Variants in CARM1 observed in about 807,000 individuals in gnomAD.
CARM1 encodes coactivator associated arginine methyltransferase 1.
A neutral mutation model predicts 72.7 loss-of-function variants in CARM1; 14 were observed. The ratio of observed to expected loss-of-function variants is 0.19; its 90% confidence interval spans 0.13 to 0.30. The LOEUF (loss-of-function observed/expected upper bound fraction) is 0.30. Among genes scored for constraint, CARM1 ranks in the 10% least tolerant of loss-of-function variants. The pLI, the probability that CARM1 is intolerant of heterozygous loss-of-function variation, is 1.00. For synonymous variants in CARM1, 333 were observed against 345.5 expected, an observed-to-expected ratio of 0.96 and a Z score of 0.40; for missense variants, 432 against 833.7, an observed-to-expected ratio of 0.52 and a Z score of 5.93.
chr19:10,873,228 C>T (rs559267217), intron 1 of CARM1, among the ~76,000 whole-genome samples: 2 of 152,202 alleles, frequency 1.3e-5, no homozygotes, highest in African/African-American at 4.8e-5. Context: ...AGCGGGGCAG[C>T]GTTTCCAAAA....
chr19:10,888,444 G>A (rs888397047), intron 1 of CARM1, among the ~76,000 whole-genome samples: 1 of 152,146 alleles, frequency 6.6e-6, no homozygotes, highest in East Asian at 1.9e-4. Context: ...GACTAAGGTC[G>A]ACCTGGAGGG....
Position 10,921,171 on chromosome 19 carries a change from G to A in CARM1, c.1615+44G>A, listed in dbSNP as rs114604292. Reference sequence around the variant, plus strand: ...CAGGGGCAGCAGGGAGCCATGCCCAGGACTGCCCAGGGGCCGGGAAGGGCC... The same window carrying A: ...CAGGGGCAGCAGGGAGCCATGCCCAAGACTGCCCAGGGGCCGGGAAGGGCC... On this transcript the variant is annotated intron_variant, in intron 14 of 15. Transcript: ENST00000327064. 2,434 of 1,580,530 alleles carry A rather than the reference G, an allele frequency of 1.5e-3. 39 individuals carry two copies. In the African/African-American group the frequency reaches 0.03, roughly 19 times the overall value.
rs764313465 is a variant in CARM1, at chr19:10,914,029, C to T, written c.822C>T (p.His274=). 3.1e-5 allele frequency: 50 copies of T among 1,613,138 alleles called. No individual in the cohort carries two copies. The South Asian group carries it at 3.7e-4, about 12-fold the overall frequency. ...AGCGCATGCTGGAGAGCTACCTCCACGCCAAGAAGTACCTGAAGCCCAGCG... is the reference window on the plus strand; with the variant it reads ...AGCGCATGCTGGAGAGCTACCTCCATGCCAAGAAGTACCTGAAGCCCAGCG... The part of the protein sequence containing the change: ...FNERMLESYL[H]AKKYLKPSGN... Residue 274 remains histidine, a synonymous_variant, in exon 6 of 16, where the codon CAC becomes CAT. Coordinates refer to ENST00000327064, the MANE Select transcript of CARM1 (RefSeq NM_199141.2).
Position 10,920,448 on chromosome 19 carries a change from G to A in CARM1, c.1209G>A (p.Trp403Ter). ...VAFIGSIMTVWLSTAPTEPLT... is the reference protein window; with the variant it reads ...VAFIGSIMTV ...CCCTGCTCCACAGAATGACCGTGTG[G>A]CTGTCCACAGCCCCGACAGAGCCCC... The change falls in exon 11 of 16, where the codon TGG becomes TGA. Residue 403 changes from tryptophan (W) to a stop codon, truncating the protein, a stop_gained. Transcript: ENST00000327064. LOFTEE classifies it high-confidence loss of function. The surrounding 1 kb of genome is among the most constrained non-coding windows in gnomAD (Gnocchi z 5.3). The A allele has an allele frequency of 6.2e-7, 1 of 1,611,666 alleles. No homozygotes were observed. Among genetic ancestry groups the A allele is most frequent in the Non-Finnish European group, 8.5e-7 (1 of 1,178,164 alleles).
rs763660570 is a variant in CARM1 at position 10,871,736 on chromosome 19, GCGGGCGGCGCGGGGTCGGCGGTCC to G, written c.49_72del (p.Ser17_Gly24del). On this transcript the variant is annotated inframe_deletion, in exon 1 of 16. Coordinates refer to ENST00000327064, the MANE Select transcript of CARM1 (RefSeq NM_199141.2). This position sits in a 1 kb window ranked among gnomAD's most constrained non-coding sequence, Gnocchi z 5.6. Reference sequence around the variant, plus strand: ...GGCGGCGGCGGCGGTGGGGCCGGGCGCGGGCGGCGCGGGGTCGGCGGTCCCGGGCGGCGCGGGGCCCTGCGCTAC... The same window carrying G: ...GGCGGCGGCGGCGGTGGGGCCGGGCGCGGGCGGCGCGGGGCCCTGCGCTAC... 3.0e-4 allele frequency: 307 copies of G among 1,021,214 alleles called. No individual in the cohort carries two copies. The highest frequency in any genetic ancestry group is 1.5e-3 in the East Asian group (18 of 12,078). 63.3% of individuals were successfully genotyped at this position (1,021,214 alleles called of 1,614,324 possible).
intron 1 of CARM1, among the ~76,000 whole-genome samples, chr19:10,879,049 C>T (rs1207355539): frequency 6.6e-6 from 1 of 152,094 alleles, no homozygotes; most frequent in East Asian, 1.9e-4. Flanking sequence ...TCAGGTGATC[C>T]ACCCGCCTCG....
chr19:10,871,673 G>A lies in CARM1; in HGVS notation c.-30G>A, dbSNP rs1186164865. The A allele has an allele frequency of 4.4e-4, 268 of 612,408 alleles. No individual in the cohort carries two copies. The South Asian group carries it at 7.1e-3, about 16-fold the overall frequency. 37.9% of individuals were successfully genotyped at this position (612,408 alleles called of 1,614,324 possible). A position where few individuals can be genotyped will look rare whatever the true frequency, so the allele number is the denominator to read the frequency against. ...CGGCCTGGGCCCGGGCGCAGCGGCG[G>A]CGGCGGCGGGGCCTGGAGCCGGATC... On this transcript the variant is annotated 5_prime_UTR_variant, in exon 1 of 16. Transcript: ENST00000327064. The surrounding 1 kb of genome is among the most constrained non-coding windows in gnomAD (Gnocchi z 5.6).
chr19:10,921,644 G>C lies in CARM1; in HGVS notation c.1714G>C (p.Gly572Arg). The C allele has an allele frequency of 6.2e-7, 1 of 1,613,310 alleles. No homozygotes were observed. Among genetic ancestry groups the C allele is most frequent in the Non-Finnish European group, 8.5e-7 (1 of 1,179,702 alleles). Residue 572 changes from glycine to arginine, a missense_variant, in exon 16 of 16, where the codon GGC becomes CGC. Transcript: ENST00000327064. ...GSSGAQGSGG[G>R]STSAHYAVNS... ...CTCCGGCGCCCAGGGCAGTGGTGGTGGCAGCACGAGTGCCCACTATGCAGT... is the reference window on the plus strand; with the variant it reads ...CTCCGGCGCCCAGGGCAGTGGTGGTCGCAGCACGAGTGCCCACTATGCAGT...
intron 1 of CARM1, among the ~76,000 whole-genome samples, chr19:10,904,428 A>AT (rs2074088110): frequency 6.6e-6 from 1 of 152,154 alleles, no homozygotes; most frequent in Non-Finnish European, 1.5e-5. Flanking sequence ...CAGTGTCCTA[A>AT]TTCACTAGAC....
At chr19:10,909,035 G>T in intron 3 of CARM1, 68 bp from the exon 4 acceptor site, 1 of 1,221,222 alleles carries the variant, frequency 8.2e-7, no homozygotes, top group Non-Finnish European at 1.2e-6. Flanking sequence ...TCTATCACAG[G>T]GCTGGCCAGG....
At position 10,886,830 on chromosome 19, in the gene CARM1, C is replaced by CA. The variant is rs906102054; in HGVS notation, c.220+14920dup. On this transcript the variant is annotated intron_variant, in intron 1 of 15. Transcript: ENST00000327064. ...TGGATGATAGAATGAGATTCCATCT[C>CA]AAAAAAAAAAAATGGGGTCTCAATA... 2.7e-3 allele frequency among the ~76,000 whole-genome samples: 385 copies of CA among 143,030 alleles called. 2 individuals carry two copies. The highest frequency in any genetic ancestry group is 6.7e-3 in the African/African-American group (264 of 39,184). 93.8% of individuals were successfully genotyped at this position (143,030 alleles called of 152,430 possible).
chr19:10,882,566 G>A (rs1407193426), intron 1 of CARM1, among the ~76,000 whole-genome samples: 2 of 125,294 alleles, frequency 1.6e-5, no homozygotes, highest in Non-Finnish European at 3.2e-5. Context: ...TTTTGAGACA[G>A]GGTCTCACTC....
intron 8 of CARM1, 118 bp from the exon 9 acceptor site, chr19:10,919,477 G>A (rs2074223218): frequency 1.4e-6 from 1 of 725,760 alleles, no homozygotes; most frequent in Non-Finnish European, 2.4e-6. Flanking sequence ...GGAAGAGCAA[G>A]CTCGTTTTAG....
intron 3 of CARM1, 29 bp downstream of exon 3, chr19:10,908,174 G>C: frequency 6.7e-7 from 1 of 1,481,862 alleles, no homozygotes; most frequent in Non-Finnish European, 9.4e-7. Flanking sequence ...CAGCCAGGCC[G>C]CCTCCCCCCG....
chr19:10,907,568 G>A (rs1162885541), intron 2 of CARM1, among the ~76,000 whole-genome samples: 2 of 152,212 alleles, frequency 1.3e-5, no homozygotes, highest in African/African-American at 4.8e-5. Flanking sequence ...TTACAGGCAT[G>A]AGCCACTGCA....
Position 10,871,616 on chromosome 19 carries a change from G to GGCGGCGGCGGCGGCGGCGGCGGCA in CARM1, c.-75_-52dup, listed in dbSNP as rs1458207713. On this transcript the variant is annotated 5_prime_UTR_variant, in exon 1 of 16. Coordinates refer to ENST00000327064, the MANE Select transcript of CARM1 (RefSeq NM_199141.2). The surrounding 1 kb of genome is among the most constrained non-coding windows in gnomAD (Gnocchi z 5.6). ...CGGCGGCGGCGGCGGCGGCGGCGGC[G>GGCGGCGGCGGCGGCGGCGGCGGCA]GCGGCGGCGGCGGCGGCGGCGGCAG... 7.3e-6 allele frequency: 1 copy of GGCGGCGGCGGCGGCGGCGGCGGCA among 136,448 alleles called. No individual in the cohort carries two copies. Among genetic ancestry groups the GGCGGCGGCGGCGGCGGCGGCGGCA allele is most frequent in the Non-Finnish European group, 1.4e-5 (1 of 73,176 alleles). The allele number at this position is 136,448 out of a possible 1,614,324, so 8.5% of individuals were successfully genotyped here.
intron 2 of CARM1, among the ~76,000 whole-genome samples, chr19:10,906,216 C>T (rs917464968): frequency 4.0e-5 from 6 of 151,392 alleles, no homozygotes; most frequent in African/African-American, 1.5e-4. Context: ...AGCCTCCCAA[C>T]GTGCTGGGAT....
chr19:10,908,271 G>A, intron 3 of CARM1, 126 bp downstream of exon 3: 3 of 635,038 alleles, frequency 4.7e-6, no homozygotes, highest in Non-Finnish European at 8.5e-6. Flanking sequence ...TCCCTTACTG[G>A]CCATGTAGCC....
At position 10,905,000 on chromosome 19, in the gene CARM1, C is replaced by T. The variant is rs1179420654; in HGVS notation, c.270C>T (p.Cys90=). 1 of 1,614,072 alleles carries T rather than the reference C, an allele frequency of 6.2e-7. No homozygotes were observed. Among genetic ancestry groups the T allele is most frequent in the African/African-American group, 1.3e-5 (1 of 74,946 alleles). Residue 90 remains cysteine (C), a synonymous_variant, in exon 2 of 16, where the codon TGC becomes TGT. Coordinates refer to ENST00000327064, the MANE Select transcript of CARM1 (RefSeq NM_199141.2). ...FKCSVSRETE[C]SRVGKQSFII... is the part of the protein sequence containing the mutation. Reference sequence around the variant, plus strand: ...GCTCAGTGTCCCGAGAGACAGAGTGCAGCCGTGTGGGCAAGCAGTCCTTCA... The same window carrying T: ...GCTCAGTGTCCCGAGAGACAGAGTGTAGCCGTGTGGGCAAGCAGTCCTTCA...
Sources: allele counts gnomAD v4.1 joint callset (sites outside exome capture counted in the v4.1 genomes callset), GRCh38; gene constraint gnomAD v4.1.1; non-coding constraint Gnocchi (gnomAD v3.1); transcripts MANE v1.5; gene names NCBI Gene and HGNC (gene_info 2026-07-23, HGNC 2026-07-21).